Variants in RELN observed in about 807,000 individuals in gnomAD.
The protein encoded by RELN is reelin.
In RELN, 108 loss-of-function variants were observed where a neutral mutation model predicts 427.6. The ratio of observed to expected loss-of-function variants is 0.25; its 90% CI spans 0.22 to 0.30. The LOEUF (loss-of-function observed/expected upper bound fraction) is 0.30. Ranked by LOEUF, RELN falls within the 10% of genes least tolerant of loss-of-function variation. The pLI, the probability that RELN is intolerant of heterozygous loss-of-function variation, is 1.00. For missense variants in RELN, 3,715 were observed against 4,302.8 expected (o/e 0.86, Z 3.82); for synonymous variants, 1,524 against 1,513.4 (o/e 1.01, Z -0.16).
At chr7:103,840,712 G>T (rs1793532103) in intron 2 of RELN, among the ~76,000 whole-genome samples, 1 of 152,154 alleles carries the variant, frequency 6.6e-6, no homozygotes, top group African/African-American at 2.4e-5. Flanking sequence ...TTTGTACCAT[G>T]AAAGAGATAT....
intron 2 of RELN, among the ~76,000 whole-genome samples, chr7:103,909,500 G>T (rs527484616): frequency 6.8e-6 from 1 of 148,106 alleles, no homozygotes; most frequent in Non-Finnish European, 1.5e-5. Context: ...TAATTCACTC[G>T]GGAGGCTGAG....
At chr7:103,484,046 A>C (rs921876127) in intron 61 of RELN, among the ~76,000 whole-genome samples, 196 bp from the exon 62 acceptor site, 4 of 151,768 alleles carry the variant, frequency 2.6e-5, no homozygotes, top group Admixed American at 6.6e-5. Context: ...CGCCTGGCTA[A>C]TTTTTGTATT....
At chr7:103,707,275 T>C (rs1223519569) in intron 8 of RELN, among the ~76,000 whole-genome samples, 1 of 152,008 alleles carries the variant, frequency 6.6e-6, no homozygotes, top group Non-Finnish European at 1.5e-5. Flanking sequence ...TCTAAAGAAT[T>C]TATTATGTAT....
chr7:103,771,552 A>G (rs1029343343), intron 4 of RELN, among the ~76,000 whole-genome samples: 10 of 152,064 alleles, frequency 6.6e-5, no homozygotes, highest in African/African-American at 2.2e-4. Flanking sequence ...GAACTCTGCA[A>G]CTCCCTCAGA....
chr7:103,599,205 T>C (rs939521306), intron 24 of RELN, among the ~76,000 whole-genome samples: 10 of 152,206 alleles, frequency 6.6e-5, no homozygotes, highest in Non-Finnish European at 1.0e-4. Context: ...TACTTGAAAA[T>C]AACCATTTCT....
At chr7:103,708,831 C>A (rs937531806) in intron 8 of RELN, among the ~76,000 whole-genome samples, 1 of 152,116 alleles carries the variant, frequency 6.6e-6, no homozygotes, top group African/African-American at 2.4e-5. Context: ...CCCTCAGAGG[C>A]CTTACCCTGG....
chr7:103,953,970 C>T lies in RELN; in HGVS notation c.226+35161G>A, dbSNP rs758533433. Among the ~76,000 whole-genome samples, 2 of 151,780 alleles carry T rather than the reference C, an allele frequency of 1.3e-5. No homozygotes were observed. Among genetic ancestry groups the T allele is most frequent in the African/African-American group, 2.4e-5 (1 of 41,292 alleles). On this transcript the variant is annotated intron_variant, in intron 1 of 64. Coordinates refer to ENST00000428762, the MANE Select transcript of RELN (RefSeq NM_005045.4). This position sits in a 1 kb window ranked among gnomAD's most constrained non-coding sequence, Gnocchi z 4.3. ...AAACAACAATAACAACAAAAACAGG[C>T]GGGGCATAGTGGCTCACGCCTGTAA...
At chr7:103,772,290 C>A (rs1231651765) in intron 4 of RELN, among the ~76,000 whole-genome samples, 2 of 151,206 alleles carry the variant, frequency 1.3e-5, no homozygotes, top group East Asian at 3.9e-4. Context: ...GTTCTTATGA[C>A]AACATGCAAT....
At chr7:103,744,642 T>A (rs1240704740) in intron 6 of RELN, among the ~76,000 whole-genome samples, 4 of 152,152 alleles carry the variant, frequency 2.6e-5, no homozygotes, top group Non-Finnish European at 5.9e-5. Context: ...AACACCTCTA[T>A]GCAAATAAAC....
At chr7:103,825,078 T>C (rs1013766947) in intron 3 of RELN, among the ~76,000 whole-genome samples, 26 of 152,130 alleles carry the variant, frequency 1.7e-4, no homozygotes, top group Admixed American at 4.6e-4. Flanking sequence ...ATTATGACCA[T>C]CATTATCATA....
chr7:103,676,168 C>T (rs1833518760), intron 11 of RELN, among the ~76,000 whole-genome samples: 1 of 152,048 alleles, frequency 6.6e-6, no homozygotes, highest in Non-Finnish European at 1.5e-5. Context: ...CCAGAATCTA[C>T]AATGAACTCA....
At chr7:103,496,816 C>T (rs766972069) in intron 55 of RELN, 48 bp from the exon 56 acceptor site, 1 of 1,603,698 alleles carries the variant, frequency 6.2e-7, no homozygotes, top group Non-Finnish European at 8.5e-7. Context: ...GAATCTCCTG[C>T]CTCCTCATAA....
At chr7:103,745,723 C>T (rs1381944183) in intron 6 of RELN, among the ~76,000 whole-genome samples, 2 of 149,802 alleles carry the variant, frequency 1.3e-5, no homozygotes, top group Non-Finnish European at 1.5e-5. Context: ...TGTGAAGGAC[C>T]TCTTCAAGGA....
chr7:103,502,856 G>A (rs1006424937), intron 52 of RELN, among the ~76,000 whole-genome samples, 160 bp downstream of exon 52: 2 of 152,174 alleles, frequency 1.3e-5, no homozygotes, highest in South Asian at 4.1e-4. Flanking sequence ...GCTCATCATG[G>A]AAGTTATGAT....
intron 2 of RELN, among the ~76,000 whole-genome samples, chr7:103,852,289 AT>A (rs5886282): frequency 6.6e-6 from 1 of 151,800 alleles, no homozygotes; most frequent in Non-Finnish European, 1.5e-5. Context: ...AGAACAAACT[AT>A]TTTTTTACAA....
At chr7:103,982,298 TACTC>T (rs1266311362) in intron 1 of RELN, among the ~76,000 whole-genome samples, 2 of 152,086 alleles carry the variant, frequency 1.3e-5, no homozygotes, top group Non-Finnish European at 2.9e-5. Flanking sequence ...AGTTAAAAAA[TACTC>T]ACCTCCATGG....
rs1365100511 is a variant in RELN at position 103,805,397 on chromosome 7, C to A, written c.473+28140G>T. 2.0e-5 allele frequency among the ~76,000 whole-genome samples: 3 copies of A among 152,166 alleles called. No homozygotes were observed. The East Asian group carries it at 5.8e-4, about 29-fold the overall frequency. ...AAATGAGTACATATGTGTGGCACAT[C>A]CATGCATAAAATCATATAACTGACA... On this transcript the variant is annotated intron_variant, in intron 3 of 64. Coordinates refer to ENST00000428762, the MANE Select transcript of RELN (RefSeq NM_005045.4).
chr7:103,610,951 A>AT, intron 21 of RELN, 144 bp from the exon 22 acceptor site: 1 of 676,268 alleles, frequency 1.5e-6, no homozygotes, highest in Non-Finnish European at 2.7e-6. Flanking sequence ...ACAATCCATG[A>AT]TTTTTCTTTC....
chr7:103,884,396 C>A (rs946064270), intron 2 of RELN, among the ~76,000 whole-genome samples: 5 of 152,046 alleles, frequency 3.3e-5, no homozygotes, highest in African/African-American at 1.2e-4. Context: ...TCTAAAACAC[C>A]AAAAGCAATG....
Sources: gnomAD v4.1 joint callset for allele counts (sites outside exome capture counted in the v4.1 genomes callset) on GRCh38, gnomAD v4.1.1 for gene constraint, Gnocchi (gnomAD v3.1) non-coding constraint, MANE v1.5 for transcripts, NCBI Gene and HGNC (gene_info 2026-07-23, HGNC 2026-07-21) for gene names.